The following PCNX3 variants were observed in gnomAD, a reference collection of about 807,000 sequenced individuals.
PCNX3 encodes the protein pecanex-like protein 3.
A neutral mutation model predicts 207.2 loss-of-function variants in PCNX3; 58 were observed. That is an observed-to-expected ratio of 0.28 (90% CI 0.23 to 0.35). The LOEUF (loss-of-function observed/expected upper bound fraction) is 0.35, where lower values mean the gene tolerates loss of function less well. PCNX3 is among the 10% of genes least tolerant of loss of function. PCNX3 has a pLI of 1.00. For missense variants in PCNX3, 2,410 were observed against 2,774.4 expected (o/e 0.87, Z 2.95); for synonymous variants, 1,337 against 1,183.5 (o/e 1.13, Z -2.66).
chr11:65,621,636 G>A (rs1034146464), intron 10 of PCNX3, among the ~76,000 whole-genome samples: 3 of 152,208 alleles, frequency 2.0e-5, no homozygotes, highest in South Asian at 2.1e-4. Flanking sequence ...GCCGGCGGCC[G>A]CCTCCAGAGG....
rs370223877 is a variant in PCNX3 at position 65,625,147 on chromosome 11, G to A, written c.2920-24G>A. 44 of 1,585,108 alleles carry A rather than the reference G, an allele frequency of 2.8e-5. No individual in the cohort carries two copies. Among genetic ancestry groups the A allele is most frequent in the Non-Finnish European group, 3.4e-5 (39 of 1,161,878 alleles). ...GCCCCATGCTTACCTCACCTCCCCT[G>A]ACCAGCATGGATTCTCTCCGCAGAC... On this transcript the variant is annotated intron_variant, in intron 16 of 34. Coordinates refer to ENST00000355703, the MANE Select transcript of PCNX3 (RefSeq NM_032223.4). This position sits in a 1 kb window ranked among gnomAD's most constrained non-coding sequence, Gnocchi z 5.6.
Position 65,616,184 on chromosome 11 carries a change from G to C in PCNX3, c.-128G>C. 4.4e-6 allele frequency: 3 copies of C among 678,050 alleles called. No homozygotes were observed. The highest frequency in any genetic ancestry group is 1.9e-5 in the African/African-American group (1 of 52,514). The allele number at this position is 678,050 out of a possible 1,614,324, so 42.0% of individuals were successfully genotyped here. A position where few individuals can be genotyped will look rare whatever the true frequency, so the allele number is the denominator to read the frequency against. On this transcript the variant is annotated 5_prime_UTR_variant, in exon 1 of 35. Transcript: ENST00000355703. ...TCGCGCGGCCGAGCCCCCCTCCCCC[G>C]CTGGGGGAGGCCATGGCGTGAGCGT... is the stretch of plus-strand genomic sequence containing the variant.
Position 65,617,307 on chromosome 11 carries a change from C to T in PCNX3, c.399C>T (p.Arg133=). 1 of 1,612,386 alleles carries T rather than the reference C, an allele frequency of 6.2e-7. No homozygotes were observed. The highest frequency in any genetic ancestry group is 1.7e-5 in the Admixed American group (1 of 59,796). ...AAGTCAGTTCCACACCCCCGGTGCG[C>T]TGCAGCTCCCAGCACTCTGTGTTTG... is the stretch of plus-strand genomic sequence containing the variant. ...FRKVSSTPPV[R]CSSQHSVFGF... The change falls in exon 3 of 35, where the codon CGC becomes CGT. Residue 133 remains arginine, a synonymous_variant. Transcript: ENST00000355703.
chr11:65,623,982 G>T, intron 13 of PCNX3, 21 bp downstream of exon 13: 1 of 1,610,260 alleles, frequency 6.2e-7, no homozygotes, highest in Non-Finnish European at 8.5e-7. Flanking sequence ...ATGGAGCAGC[G>T]CCTCTGGCCA....
chr11:65,616,104 G>A lies in PCNX3; in HGVS notation c.-208G>A. On this transcript the variant is annotated 5_prime_UTR_variant, in exon 1 of 35. Transcript: ENST00000355703. ...GCCCCTGATGCAGCCCCACCCCCGC[G>A]TCCGGGCCTTGCACCACTGACTGTC... The A allele has an allele frequency of 2.8e-6, 1 of 353,058 alleles. No homozygotes were observed. Among genetic ancestry groups the A allele is most frequent in the Non-Finnish European group, 5.0e-6 (1 of 198,534 alleles). The allele number at this position is 353,058 out of a possible 1,614,324, so 21.9% of individuals were successfully genotyped here. A position where few individuals can be genotyped will look rare whatever the true frequency, so the allele number is the denominator to read the frequency against.
Position 65,628,862 on chromosome 11 carries a change from C to T in PCNX3, c.3855C>T (p.Phe1285=). 6.2e-7 allele frequency: 1 copy of T among 1,612,646 alleles called. No homozygotes were observed. The highest frequency in any genetic ancestry group is 8.5e-7 in the Non-Finnish European group (1 of 1,179,816). The change falls in exon 24 of 35, where the codon TTC becomes TTT. Residue 1285 remains phenylalanine, a synonymous_variant. Transcript: ENST00000355703. ...LFVQALLSGL[F]STPLNPLLGS... is the part of the protein sequence containing the mutation. The stretch of plus-strand genomic sequence containing the variant: ...TCCAGGCCCTGCTCTCGGGGCTCTT[C>T]TCCACGCCTCTCAACCCACTGCTAG...
At chr11:65,624,785 G>T in intron 15 of PCNX3, 140 bp from the exon 16 acceptor site, 1 of 980,804 alleles carries the variant, frequency 1.0e-6, no homozygotes, top group Non-Finnish European at 1.5e-6. Context: ...GGCCGCTTGG[G>T]GCTTGGGGCA....
At chr11:65,624,136 C>T (rs909041342) in intron 13 of PCNX3, 59 bp from the exon 14 acceptor site, 5 of 1,570,124 alleles carry the variant, frequency 3.2e-6, no homozygotes, top group Non-Finnish European at 4.3e-6. Flanking sequence ...TGAGTGTGTG[C>T]ATGTGTCAGA....
chr11:65,617,667 G>A lies in PCNX3; in HGVS notation c.538G>A (p.Asp180Asn), dbSNP rs201269847. The A allele has an allele frequency of 5.3e-4, 848 of 1,586,116 alleles. 2 individuals are homozygous for A. The highest frequency in any genetic ancestry group is 6.8e-4 in the Non-Finnish European group (793 of 1,166,152). Reference sequence around the variant, plus strand: ...CAACAATGTGATCGTGACTTCTGCCGACCGAGAGATGCTGAAGCTCAGCTC... The same window carrying A: ...CAACAATGTGATCGTGACTTCTGCCAACCGAGAGATGCTGAAGCTCAGCTC... ...GSNNVIVTSADREMLKLSSQE... is the reference protein window; with the variant it reads ...GSNNVIVTSANREMLKLSSQE... The change falls in exon 5 of 35, where the codon GAC becomes AAC. Residue 180 changes from aspartate to asparagine, a missense_variant. Physicochemically the swap from Asp to Asn is conservative, Grantham distance 23. This residue lies in a region of PCNX3 where 1,104 missense variants were observed against 970.3 expected (regional missense o/e 1.14). Transcript: ENST00000355703.
At chr11:65,626,127 C>G (rs748752556) in intron 20 of PCNX3, 73 bp downstream of exon 20, 1 of 1,534,238 alleles carries the variant, frequency 6.5e-7, no homozygotes, top group South Asian at 1.2e-5. Context: ...GAGCTGTGGT[C>G]CTCTCGGCTC....
intron 12 of PCNX3, 53 bp downstream of exon 12, chr11:65,623,697 C>T (rs1855229761): frequency 1.9e-6 from 3 of 1,592,840 alleles, no homozygotes; most frequent in Non-Finnish European, 2.6e-6. Flanking sequence ...CCCAAGATTG[C>T]CCTTCCCACA....
chr11:65,619,486 A>C, intron 6 of PCNX3, 51 bp from the exon 7 acceptor site: 1 of 1,596,190 alleles, frequency 6.3e-7, no homozygotes, highest in East Asian at 2.2e-5. Context: ...TTACTCCCCC[A>C]GCCTTGTCTG....
rs2135484697 is a variant in PCNX3 at position 65,635,197 on chromosome 11, T to C, written c.4954-21T>C. 1 of 1,593,332 alleles carries C rather than the reference T, an allele frequency of 6.3e-7. No individual in the cohort carries two copies. ...CTCCAGGGCAGGGGCCACTGACCCC[T>C]GTTCCCGTCTTCTCTACCAGGACCA... On this transcript the variant is annotated intron_variant, in intron 30 of 34. Coordinates refer to ENST00000355703, the MANE Select transcript of PCNX3 (RefSeq NM_032223.4). This position sits in a 1 kb window ranked among gnomAD's most constrained non-coding sequence, Gnocchi z 9.9.
Position 65,636,839 on chromosome 11 carries a change from G to A in PCNX3, c.5966G>A (p.Arg1989Lys), listed in dbSNP as rs1411072344. 1 of 1,547,336 alleles carries A rather than the reference G, an allele frequency of 6.5e-7. No homozygotes were observed. Among genetic ancestry groups the A allele is most frequent in the Non-Finnish European group, 8.7e-7 (1 of 1,145,792 alleles). ...PDVSTEASPP[R>K]ASQDIPCLDS... Reference sequence around the variant, plus strand: ...GTCAGCACTGAGGCCTCACCCCCCAGAGCTTCCCAGGACATTCCTTGCTTG... The same window carrying A: ...GTCAGCACTGAGGCCTCACCCCCCAAAGCTTCCCAGGACATTCCTTGCTTG... Residue 1989 changes from arginine to lysine, a missense_variant, in exon 35 of 35, where the codon AGA becomes AAA. Around this residue, in one of 8 missense-constraint regions of PCNX3, gnomAD observed 278 missense variants for 245.1 expected, o/e 1.13. Transcript: ENST00000355703.
rs367864559 is a variant in PCNX3, at chr11:65,619,925, T to C, written c.2001T>C (p.Asp667=). ...AGGGTGCTGTGCACTATTTCTACGA[T>C]GAGAGCGGTGAGCCTTTCCCAAGCC... ...TSEGAVHYFY[D]ESGVRRSYTF... Residue 667 remains aspartate, a synonymous_variant, in exon 8 of 35, where the codon GAT becomes GAC. Transcript: ENST00000355703. 3.8e-6 allele frequency: 6 copies of C among 1,599,436 alleles called. No homozygotes were observed. Among genetic ancestry groups the C allele is most frequent in the African/African-American group, 1.3e-5 (1 of 74,762 alleles).
chr11:65,624,061 CCACCCCCAT>C (rs1855251875), intron 13 of PCNX3, 100 bp downstream of exon 13: 5 of 1,575,604 alleles, frequency 3.2e-6, no homozygotes, highest in South Asian at 1.1e-5. Context: ...GGCTCCCTCA[CCACCCCCAT>C]CACCCCCACC....
At chr11:65,628,462 G>A (rs1855490781) in intron 22 of PCNX3, 133 bp from the exon 23 acceptor site, 3 of 776,026 alleles carry the variant, frequency 3.9e-6, no homozygotes, top group Non-Finnish European at 4.2e-6. Flanking sequence ...ACAAGGGCTG[G>A]CAGTGACCTT....
Position 65,625,806 on chromosome 11 carries a change from G to A in PCNX3, c.3228+62G>A. On this transcript the variant is annotated intron_variant, in intron 19 of 34. Coordinates refer to ENST00000355703, the MANE Select transcript of PCNX3 (RefSeq NM_032223.4). This position sits in a 1 kb window ranked among gnomAD's most constrained non-coding sequence, Gnocchi z 5.6. Reference sequence around the variant, plus strand: ...CTTGGCGGGAGCCTGCTCAATCTGAGTGCCGTGGGCAGCCCCTCCCCGGCC... The same window carrying A: ...CTTGGCGGGAGCCTGCTCAATCTGAATGCCGTGGGCAGCCCCTCCCCGGCC... The A allele has an allele frequency of 6.3e-7, 1 of 1,596,794 alleles. No homozygotes were observed. Among genetic ancestry groups the A allele is most frequent in the Non-Finnish European group, 8.5e-7 (1 of 1,172,440 alleles).
Position 65,635,557 on chromosome 11 carries a change from G to A in PCNX3, c.5213G>A (p.Trp1738Ter). The change falls in exon 32 of 35, where the codon TGG becomes TAG. Residue 1738 changes from tryptophan to a stop codon, truncating the protein, a stop_gained. Transcript: ENST00000355703. LOFTEE classifies it high-confidence loss of function. The surrounding 1 kb of genome is among the most constrained non-coding windows in gnomAD (Gnocchi z 9.9). ...AACCGGGAGTGCGTGCGCGGCCTGT[G>A]GGCCGGGCAGCAGCAGGAGCTGGTG... is the stretch of plus-strand genomic sequence containing the variant. ...KVNRECVRGL[W>*]AGQQQELVFL... 6.2e-7 allele frequency: 1 copy of A among 1,611,884 alleles called. No homozygotes were observed. The highest frequency in any genetic ancestry group is 2.2e-5 in the East Asian group (1 of 44,862).
Sources: allele counts gnomAD v4.1 joint callset (sites outside exome capture counted in the v4.1 genomes callset), GRCh38; gene constraint gnomAD v4.1.1; regional missense constraint gnomAD v4.1.1; non-coding constraint Gnocchi (gnomAD v3.1); transcripts MANE v1.5; gene names NCBI Gene and HGNC (gene_info 2026-07-23, HGNC 2026-07-21).